The following TMEM266 variants were observed in gnomAD, a reference collection of about 807,000 sequenced individuals.
The protein encoded by TMEM266 is Hv1 related protein 1.
In TMEM266, 33 loss-of-function variants were observed where a neutral mutation model predicts 50.5. The observed-to-expected ratio is 0.65, with a 90% CI of 0.50 to 0.87. The LOEUF is 0.87. Among genes scored for constraint, TMEM266 ranks in the 40% least tolerant of loss-of-function variants. TMEM266 has a pLI of 0.00. For missense variants in TMEM266, 655 were observed against 695.1 expected (o/e 0.94, Z 0.65); for synonymous variants, 310 against 292.3 (o/e 1.06, Z -0.62).
In TMEM266 at chr15:76,189,262, AAGGG is replaced by A. The variant is rs1416800593; in HGVS notation, c.769-2702_769-2699del. ...GAGGAAGGGAAGGAGGGAAGTAAGG[AAGGG>A]AGGAAGGGAGGAAGGAAGGGTAGGT... On this transcript the variant is annotated intron_variant, in intron 8 of 10. Transcript: ENST00000388942. Among the ~76,000 whole-genome samples the A allele has an allele frequency of 1.0e-4, 15 of 149,856 alleles. No individual in the cohort carries two copies. The East Asian group carries it at 1.2e-3, about 12-fold the overall frequency.
chr15:76,075,812 C>G (rs2036596985), intron 1 of TMEM266, among the ~76,000 whole-genome samples: 2 of 112,584 alleles, frequency 1.8e-5, no homozygotes, highest in African/African-American at 6.7e-5. Context: ...TCACCAAATT[C>G]TGGAGGAGAA....
intron 5 of TMEM266, among the ~76,000 whole-genome samples, chr15:76,162,631 T>G (rs1268441919): frequency 1.3e-5 from 2 of 152,170 alleles, no homozygotes; most frequent in Non-Finnish European, 2.9e-5. Flanking sequence ...TGCGGCCAGT[T>G]AAGATCAAAA....
intron 10 of TMEM266, 35 bp from the exon 11 acceptor site, chr15:76,203,706 T>C: frequency 6.3e-7 from 1 of 1,585,020 alleles, no homozygotes. Flanking sequence ...GTGGCAGAGG[T>C]TGAAGTGTGA....
At chr15:76,090,976 G>T in intron 1 of TMEM266, among the ~76,000 whole-genome samples, 1 of 152,206 alleles carries the variant, frequency 6.6e-6, no homozygotes, top group East Asian at 1.9e-4. Context: ...TAATTACCCT[G>T]GTTTAATCAT....
intron 1 of TMEM266, among the ~76,000 whole-genome samples, chr15:76,132,108 A>G (rs2037517056): frequency 6.8e-6 from 1 of 146,026 alleles, no homozygotes; most frequent in Admixed American, 6.9e-5. Flanking sequence ...CTGTTTACCA[A>G]TCCAATTTTT....
In TMEM266 at chr15:76,137,718, A is replaced by G; in HGVS notation, c.50A>G (p.Glu17Gly). ...CCTCTCCAACCCAGGCCTGCCATAG[A>G]AGGAGGAATTTCTGAAGTTGAGATC... Residue 17 changes from glutamate to glycine, a missense_variant, in exon 3 of 11, where the codon GAA becomes GGA. Glu to Gly is a moderately conservative substitution (Grantham distance 98, BLOSUM62 -2). Transcript: ENST00000388942. 1 of 1,614,108 alleles carries G rather than the reference A, an allele frequency of 6.2e-7. No individual in the cohort carries two copies. The highest frequency in any genetic ancestry group is 8.5e-7 in the Non-Finnish European group (1 of 1,179,972).
chr15:76,118,842 G>C (rs145424335), intron 1 of TMEM266, among the ~76,000 whole-genome samples: 103 of 152,340 alleles, frequency 6.8e-4, no homozygotes, highest in African/African-American at 2.4e-3. Flanking sequence ...CATGCAGGGG[G>C]ACAGCTCCGA....
intron 5 of TMEM266, among the ~76,000 whole-genome samples, chr15:76,165,840 C>CT (rs2038086358): frequency 6.6e-6 from 1 of 152,238 alleles, no homozygotes; most frequent in Non-Finnish European, 1.5e-5. Context: ...GACTCCCCAT[C>CT]TAACACCCTT....
intron 1 of TMEM266, among the ~76,000 whole-genome samples, chr15:76,126,352 C>G (rs1018413448): frequency 7.4e-6 from 1 of 135,076 alleles, no homozygotes; most frequent in Non-Finnish European, 1.5e-5. Context: ...TGTGTGTGTA[C>G]ACACACACAC....
chr15:76,082,948 G>A (rs563687285), intron 1 of TMEM266, among the ~76,000 whole-genome samples: 1 of 151,420 alleles, frequency 6.6e-6, no homozygotes, highest in Non-Finnish European at 1.5e-5. Context: ...CAGGCTGGGC[G>A]ACAGAGCAAG....
intron 3 of TMEM266, among the ~76,000 whole-genome samples, chr15:76,148,349 G>A (rs533583361): frequency 1.3e-5 from 2 of 152,178 alleles, no homozygotes; most frequent in Non-Finnish European, 2.9e-5. Flanking sequence ...GAGCTGGTGG[G>A]TGGGGTGCCG....
intron 9 of TMEM266, among the ~76,000 whole-genome samples, chr15:76,196,442 TC>T (rs2038657614): frequency 6.6e-6 from 1 of 152,096 alleles, no homozygotes; most frequent in Non-Finnish European, 1.5e-5. Flanking sequence ...ACACAGGGCA[TC>T]CCCCAGCTGA....
At chr15:76,142,590 A>G (rs911880672) in intron 3 of TMEM266, among the ~76,000 whole-genome samples, 1 of 152,120 alleles carries the variant, frequency 6.6e-6, no homozygotes, top group African/African-American at 2.4e-5. Flanking sequence ...CTTCACCAAC[A>G]CTGGCTATTT....
At chr15:76,201,458 C>G (rs780308195) in intron 9 of TMEM266, among the ~76,000 whole-genome samples, 15 of 152,136 alleles carry the variant, frequency 9.9e-5, no homozygotes, top group Non-Finnish European at 2.1e-4. Flanking sequence ...GTGGTGTGAT[C>G]ACAGCTCACG....
intron 9 of TMEM266, among the ~76,000 whole-genome samples, chr15:76,197,026 C>T (rs775085439): frequency 7.9e-5 from 12 of 152,222 alleles, no homozygotes; most frequent in Non-Finnish European, 1.5e-4. Flanking sequence ...AGGGAACCTT[C>T]GCGTCCCCCA....
chr15:76,089,414 C>G (rs1433496585), intron 1 of TMEM266, among the ~76,000 whole-genome samples: 2 of 151,806 alleles, frequency 1.3e-5, no homozygotes, highest in African/African-American at 2.4e-5. Context: ...AGGATGGTCT[C>G]GATCTCCTGA....
chr15:76,164,595 T>G (rs2038065059), intron 5 of TMEM266, among the ~76,000 whole-genome samples: 1 of 152,194 alleles, frequency 6.6e-6, no homozygotes, highest in Non-Finnish European at 1.5e-5. Flanking sequence ...GGCCTTGTAG[T>G]TGGATCCTGG....
In TMEM266 at chr15:76,113,891, A is replaced by G. The variant is rs555002630; in HGVS notation, c.-96-20277A>G. On this transcript the variant is annotated intron_variant, in intron 1 of 10. Transcript: ENST00000388942. ...GCCACTGCACTCCAGCCTGGGTGAC[A>G]GAGCGAGACTCCGACTCAAAAAAAA... The G allele has an allele frequency of 9.2e-5, 14 of 152,188 alleles. 1 individual carries two copies. The highest frequency in any genetic ancestry group is 2.1e-4 in the Non-Finnish European group (14 of 68,264). The allele number at this position is 152,188 out of a possible 1,614,324, so 9.4% of individuals were successfully genotyped here. A position where few individuals can be genotyped will look rare whatever the true frequency, so the allele number is the denominator to read the frequency against.
intron 1 of TMEM266, among the ~76,000 whole-genome samples, chr15:76,127,256 C>T (rs1049342108): frequency 1.3e-5 from 2 of 151,498 alleles, no homozygotes; most frequent in Non-Finnish European, 2.9e-5. Context: ...AGTCATACCT[C>T]AGCTATGCGG....
Sources: allele counts gnomAD v4.1 joint callset (sites outside exome capture counted in the v4.1 genomes callset), GRCh38; gene constraint gnomAD v4.1.1; transcripts MANE v1.5; gene names NCBI Gene and HGNC (gene_info 2026-07-23, HGNC 2026-07-21).